SETD5: variants seen among roughly 807,000 people sequenced by gnomAD.
SETD5 encodes the protein histone-lysine N-methyltransferase SETD5.
In SETD5, 44 loss-of-function variants were observed where a neutral mutation model predicts 153.3. The observed-to-expected ratio is 0.29, with a 90% CI of 0.23 to 0.37. SETD5 has a LOEUF of 0.37. SETD5 is among the 10% of genes least tolerant of loss of function. The probability of loss-of-function intolerance (pLI) is 1.00; values close to 1 mark genes in which losing one functional copy is unlikely to be tolerated. For missense variants in SETD5, 1,544 were observed against 1,768.0 expected (o/e 0.87, Z 2.27); for synonymous variants, 716 against 645.2 (o/e 1.11, Z -1.66).
At chr3:9,472,177 A>AT (rs1230879268) in intron 19 of SETD5, among the ~76,000 whole-genome samples, 2 of 151,570 alleles carry the variant, frequency 1.3e-5, no homozygotes, top group Non-Finnish European at 2.9e-5. Flanking sequence ...AAATTATGAT[A>AT]TTTTATTTCA....
chr3:9,456,249 G>A (rs374637890), intron 17 of SETD5, among the ~76,000 whole-genome samples: 20 of 152,194 alleles, frequency 1.3e-4, no homozygotes, highest in African/African-American at 4.8e-4. Flanking sequence ...GCCAAGGTGG[G>A]CGGATCATCT....
In SETD5 at chr3:9,475,614, C is replaced by A; in HGVS notation, c.3852C>A (p.Pro1284=). Residue 1284 remains proline, a synonymous_variant, in exon 23 of 23, where the codon CCC becomes CCA. Transcript: ENST00000402198. ...YRTTALRPGN[P]PSHGSSESSL... Reference sequence around the variant, plus strand: ...CTACTGCACTGAGACCTGGAAACCCCCCCTCTCACGGTTCTTCAGAATCAT... The same window carrying A: ...CTACTGCACTGAGACCTGGAAACCCACCCTCTCACGGTTCTTCAGAATCAT... 6.2e-7 allele frequency: 1 copy of A among 1,613,896 alleles called. No homozygotes were observed. Among genetic ancestry groups the A allele is most frequent in the Non-Finnish European group, 8.5e-7 (1 of 1,179,872 alleles).
chr3:9,463,021 C>T (rs61337449), intron 17 of SETD5, among the ~76,000 whole-genome samples: 8 of 149,238 alleles, frequency 5.4e-5, no homozygotes, highest in African/African-American at 2.0e-4. Context: ...TTTGTTGTGT[C>T]GTTTTGTTTT....
chr3:9,440,116 C>T (rs1165841736), intron 7 of SETD5, among the ~76,000 whole-genome samples: 2 of 152,162 alleles, frequency 1.3e-5, no homozygotes, highest in East Asian at 1.9e-4. Flanking sequence ...TTCTTATGAA[C>T]TTGATGTCAG....
chr3:9,468,195 C>G (rs2044847843), intron 18 of SETD5, among the ~76,000 whole-genome samples: 1 of 151,896 alleles, frequency 6.6e-6, no homozygotes, highest in African/African-American at 2.4e-5. Context: ...AAACTCTCAT[C>G]TAAAATACAA....
At position 9,447,316 on chromosome 3, in the gene SETD5, T is replaced by G; in HGVS notation, c.1782+9T>G. On this transcript the variant is annotated intron_variant, in intron 14 of 22. Transcript: ENST00000402198. ...GGTCTTCCCAAGCAGGGGTAAGAGT[T>G]GAAAAGACTTCAGCACTTAGACATC... 1 of 1,606,010 alleles carries G rather than the reference T, an allele frequency of 6.2e-7. No individual in the cohort carries two copies. The highest frequency in any genetic ancestry group is 8.5e-7 in the Non-Finnish European group (1 of 1,177,194).
At chr3:9,404,645 A>G (rs978030057) in intron 1 of SETD5, among the ~76,000 whole-genome samples, 1 of 152,206 alleles carries the variant, frequency 6.6e-6, no homozygotes, top group Admixed American at 6.5e-5. Context: ...TGCATGTGCT[A>G]TGACCCACAT....
chr3:9,470,624 G>A lies in SETD5; in HGVS notation c.2890G>A (p.Asp964Asn). ...GACTGGTTTCCCAAGCAGAAGTGGA[G>A]ATGGACATCAGACCCTCGTGAGAAA... ...SETGFPSRSGDGHQTLVRNSD... is the reference protein window; with the variant it reads ...SETGFPSRSGNGHQTLVRNSD... The change falls in exon 19 of 23, where the codon GAT (aspartate) becomes AAT (asparagine). Residue 964 changes from aspartate to asparagine, a missense_variant. By Grantham distance (23) the Asp-to-Asn change is conservative. This residue lies in a region of SETD5 where 782 missense variants were observed against 787.2 expected (regional missense o/e 0.99). Coordinates refer to ENST00000402198, the MANE Select transcript of SETD5 (RefSeq NM_001080517.3). 1 of 1,614,002 alleles carries A rather than the reference G, an allele frequency of 6.2e-7. No individual in the cohort carries two copies. Among genetic ancestry groups the A allele is most frequent in the Non-Finnish European group, 8.5e-7 (1 of 1,179,902 alleles).
chr3:9,456,828 T>A (rs1268453090), intron 17 of SETD5, among the ~76,000 whole-genome samples: 2 of 151,744 alleles, frequency 1.3e-5, no homozygotes, highest in Non-Finnish European at 2.9e-5. Flanking sequence ...CAAAAAAAAT[T>A]AGCTGGGCAT....
chr3:9,470,750 G>A lies in SETD5; in HGVS notation c.3016G>A (p.Val1006Met). ...TGGACTGTATCGAGGATCTCCTCTAGTGGGGGATAGGAAGCCTTTACATTT... is the reference window on the plus strand; with the variant it reads ...TGGACTGTATCGAGGATCTCCTCTAATGGGGGATAGGAAGCCTTTACATTT... ...ADGLYRGSPL[V>M]GDRKPLHLDG... The change falls in exon 19 of 23, where the codon GTG becomes ATG. Residue 1006 changes from valine to methionine, a missense_variant. Physicochemically the swap from Val to Met is conservative, Grantham distance 21. Coordinates refer to ENST00000402198, the MANE Select transcript of SETD5 (RefSeq NM_001080517.3). 1 of 1,614,000 alleles carries A rather than the reference G, an allele frequency of 6.2e-7. No individual in the cohort carries two copies. Among genetic ancestry groups the A allele is most frequent in the Non-Finnish European group, 8.5e-7 (1 of 1,179,874 alleles).
At chr3:9,472,016 A>G (rs186838076) in intron 19 of SETD5, among the ~76,000 whole-genome samples, 32 of 151,918 alleles carry the variant, frequency 2.1e-4, no homozygotes, top group Admixed American at 2.1e-3. Flanking sequence ...AAGGGGATAG[A>G]AGGAGGAGGA....
chr3:9,432,405 A>T, intron 3 of SETD5: 3 of 398,734 alleles, frequency 7.5e-6, no homozygotes, highest in Non-Finnish European at 1.0e-5. Flanking sequence ...CTGCACACTT[A>T]TTCCTGCTGT....
chr3:9,406,783 A>C (rs1469936305), intron 1 of SETD5, among the ~76,000 whole-genome samples: 5 of 152,328 alleles, frequency 3.3e-5, no homozygotes, highest in South Asian at 2.1e-4. Flanking sequence ...ATGTCCCTGC[A>C]CATTTTAGGA....
intron 8 of SETD5, 55 bp from the exon 9 acceptor site, chr3:9,441,538 T>C (rs916246803): frequency 6.6e-7 from 1 of 1,507,148 alleles, no homozygotes; most frequent in Non-Finnish European, 9.2e-7. Context: ...GTAATTTGAG[T>C]GTCTACTAAG....
intron 3 of SETD5, among the ~76,000 whole-genome samples, chr3:9,432,772 A>G (rs2040114888): frequency 6.6e-6 from 1 of 152,230 alleles, no homozygotes; most frequent in South Asian, 2.1e-4. Flanking sequence ...GAATACATGT[A>G]TAATTCTACA....
intron 7 of SETD5, among the ~76,000 whole-genome samples, chr3:9,437,213 T>C (rs1301543592): frequency 1.3e-5 from 2 of 152,104 alleles, no homozygotes; most frequent in Non-Finnish European, 2.9e-5. Flanking sequence ...GAGTGGAGTT[T>C]TTCTGGTAAT....
At position 9,453,886 on chromosome 3, in the gene SETD5, T is replaced by G. The variant is rs776341511; in HGVS notation, c.2476+18T>G. On this transcript the variant is annotated intron_variant, in intron 17 of 22. Coordinates refer to ENST00000402198, the MANE Select transcript of SETD5 (RefSeq NM_001080517.3). ...CAATGCAGGTACGTATCTAAAACCT[T>G]TCTGATTATATGACCAATGATTGTT... is the stretch of plus-strand genomic sequence containing the variant. 1 of 1,522,306 alleles carries G rather than the reference T, an allele frequency of 6.6e-7. No homozygotes were observed. Among genetic ancestry groups the G allele is most frequent in the South Asian group, 1.3e-5 (1 of 76,208 alleles). 94.3% of individuals were successfully genotyped at this position (1,522,306 alleles called of 1,614,324 possible).
chr3:9,433,629 A>G (rs2040223297), intron 3 of SETD5: 2 of 1,012,162 alleles, frequency 2.0e-6, no homozygotes, highest in Non-Finnish European at 2.7e-6. Context: ...ATCTGCCTGT[A>G]CTGGCTTCAT....
intron 3 of SETD5, chr3:9,432,300 T>C (rs1422940361): frequency 1.0e-6 from 1 of 985,056 alleles, no homozygotes; most frequent in Non-Finnish European, 1.2e-6. Flanking sequence ...AGATCCTTTC[T>C]CACAGTTTTG....
Sources: gnomAD v4.1 joint callset for allele counts (sites outside exome capture counted in the v4.1 genomes callset) on GRCh38, gnomAD v4.1.1 for gene constraint, gnomAD v4.1.1 regional missense constraint, MANE v1.5 for transcripts, NCBI Gene and HGNC (gene_info 2026-07-23, HGNC 2026-07-21) for gene names.